The following TANGO6 variants were observed in gnomAD, a reference collection of about 807,000 sequenced individuals.
TANGO6 encodes the protein transport and Golgi organization protein 6 homolog.
TANGO6 carries 90 observed loss-of-function variants against 114.2 expected under a neutral mutation model. The ratio of observed to expected loss-of-function variants is 0.79; its 90% CI spans 0.66 to 0.94. The LOEUF (loss-of-function observed/expected upper bound fraction) is 0.94. TANGO6 is among the 40% of genes least tolerant of loss of function. The pLI, the probability that TANGO6 is intolerant of heterozygous loss-of-function variation, is 0.00. For synonymous variants in TANGO6, 477 were observed against 509.8 expected (o/e 0.94, Z 0.87); for missense variants, 1,274 against 1,315.3 (o/e 0.97, Z 0.49).
At chr16:69,029,998 C>T (rs1959569279) in intron 16 of TANGO6, among the ~76,000 whole-genome samples, 1 of 151,338 alleles carries the variant, frequency 6.6e-6, no homozygotes. Flanking sequence ...GTCCCAGCTG[C>T]TCAGGAGGCT....
intron 15 of TANGO6, among the ~76,000 whole-genome samples, chr16:69,012,630 T>C (rs1194456860): frequency 6.6e-6 from 1 of 151,582 alleles, no homozygotes; most frequent in Non-Finnish European, 1.5e-5. Context: ...ATTGTCTCTT[T>C]AACTTCAGTT....
At chr16:69,013,092 A>G (rs1959227210) in intron 15 of TANGO6, among the ~76,000 whole-genome samples, 1 of 152,050 alleles carries the variant, frequency 6.6e-6, no homozygotes, top group African/African-American at 2.4e-5. Context: ...CCTTCTTGCA[A>G]GCTACTACTG....
At chr16:68,961,845 C>T (rs1963595024) in intron 14 of TANGO6, among the ~76,000 whole-genome samples, 1 of 152,180 alleles carries the variant, frequency 6.6e-6, no homozygotes, top group Non-Finnish European at 1.5e-5. Flanking sequence ...AAGATAATCA[C>T]CAATCTGTAA....
chr16:68,946,184 C>A (rs1309238804), intron 14 of TANGO6, among the ~76,000 whole-genome samples: 1 of 150,662 alleles, frequency 6.6e-6, no homozygotes, highest in Non-Finnish European at 1.5e-5. Flanking sequence ...ATTTCTGTTT[C>A]TTCTTCTTCT....
rs754289436 is a variant in TANGO6 at position 68,860,403 on chromosome 16, T to C, written c.614T>C (p.Val205Ala). ...LYTSCKALLN[V>A]AQHTSLGSLI... ...ACCAGCTGCAAGGCCCTTCTGAATG[T>C]TGCTCAGCACACATCTCTGGGGAGC... Residue 205 changes from valine to alanine, a missense_variant, in exon 2 of 18, where the codon GTT (valine) becomes GCT (alanine). Val to Ala is a moderately conservative substitution (Grantham distance 64). Transcript: ENST00000261778. 13 of 1,613,958 alleles carry C rather than the reference T, an allele frequency of 8.1e-6. No homozygotes were observed. In the South Asian group the frequency reaches 1.4e-4, roughly 18 times the overall value.
At chr16:68,933,958 T>C (rs938203351) in intron 14 of TANGO6, 1 of 152,142 alleles carries the variant, frequency 6.6e-6, no homozygotes, top group Non-Finnish European at 1.5e-5. Flanking sequence ...ATATGCTCTA[T>C]ACAGACTTAG....
At chr16:68,847,482 A>G (rs1961831155) in intron 1 of TANGO6, among the ~76,000 whole-genome samples, 1 of 152,200 alleles carries the variant, frequency 6.6e-6, no homozygotes. Context: ...GGGGCTCTGG[A>G]AAAACTTCAG....
intron 15 of TANGO6, among the ~76,000 whole-genome samples, chr16:69,004,934 A>C (rs1440766268): frequency 6.6e-6 from 1 of 152,238 alleles, no homozygotes; most frequent in African/African-American, 2.4e-5. Context: ...TTAGGGTAGA[A>C]AACAAGAAAA....
At chr16:69,000,930 T>A (rs1174786225) in intron 15 of TANGO6, among the ~76,000 whole-genome samples, 1 of 152,204 alleles carries the variant, frequency 6.6e-6, no homozygotes, top group East Asian at 1.9e-4. Context: ...TCCCACACAG[T>A]TCTTTACAAG....
chr16:69,022,176 G>A (rs956975172), intron 15 of TANGO6, among the ~76,000 whole-genome samples: 7 of 151,804 alleles, frequency 4.6e-5, no homozygotes, highest in African/African-American at 2.4e-5. Context: ...GTGAGCCACC[G>A]CGCCTGGCCG....
intron 15 of TANGO6, among the ~76,000 whole-genome samples, chr16:69,007,654 A>G (rs1964105427): frequency 6.6e-6 from 1 of 152,182 alleles, no homozygotes; most frequent in African/African-American, 2.4e-5. Flanking sequence ...ATATTTGTGT[A>G]CAAGTTTTTA....
intron 17 of TANGO6, among the ~76,000 whole-genome samples, chr16:69,081,301 C>T (rs1960461129): frequency 6.6e-6 from 1 of 151,570 alleles, no homozygotes; most frequent in Non-Finnish European, 1.5e-5. Flanking sequence ...GCAGACAAGT[C>T]ACATGACCCC....
At chr16:68,952,875 A>T (rs889247539) in intron 14 of TANGO6, among the ~76,000 whole-genome samples, 1 of 152,080 alleles carries the variant, frequency 6.6e-6, no homozygotes, top group African/African-American at 2.4e-5. Context: ...GTTTCTTAGG[A>T]GAAAGCTGTT....
At chr16:68,892,233 A>G (rs1962632461) in intron 7 of TANGO6, among the ~76,000 whole-genome samples, 1 of 152,206 alleles carries the variant, frequency 6.6e-6, no homozygotes, top group Non-Finnish European at 1.5e-5. Context: ...AGATCATCCT[A>G]TCGCTTATTG....
chr16:68,906,662 C>G (rs2152184558), intron 9 of TANGO6, among the ~76,000 whole-genome samples: 1 of 152,020 alleles, frequency 6.6e-6, no homozygotes, highest in South Asian at 2.1e-4. Context: ...TAATGTACTA[C>G]AACCTCAAAC....
intron 17 of TANGO6, among the ~76,000 whole-genome samples, chr16:69,078,602 C>T (rs1312105970): frequency 6.6e-6 from 1 of 152,162 alleles, no homozygotes; most frequent in African/African-American, 2.4e-5. Flanking sequence ...TCTGTCTTTA[C>T]GTGACTATCT....
intron 14 of TANGO6, among the ~76,000 whole-genome samples, chr16:68,935,878 G>A (rs1183285075): frequency 6.6e-6 from 1 of 152,122 alleles, no homozygotes; most frequent in Non-Finnish European, 1.5e-5. Context: ...TCCAAAATGG[G>A]AGTTAGAATA....
chr16:68,846,038 T>C (rs1186170169), intron 1 of TANGO6, among the ~76,000 whole-genome samples: 1 of 151,742 alleles, frequency 6.6e-6, no homozygotes. Flanking sequence ...CTTTTATTAT[T>C]TTTTGAGATG....
intron 7 of TANGO6, among the ~76,000 whole-genome samples, chr16:68,898,042 A>G (rs1287067336): frequency 6.6e-6 from 1 of 151,962 alleles, no homozygotes; most frequent in Non-Finnish European, 1.5e-5. Context: ...GGGGCTTATT[A>G]TTTTTTGTAC....
Sources: allele counts gnomAD v4.1 joint callset (sites outside exome capture counted in the v4.1 genomes callset), GRCh38; gene constraint gnomAD v4.1.1; transcripts MANE v1.5; gene names NCBI Gene and HGNC (gene_info 2026-07-23, HGNC 2026-07-21).